CRLF2: variants seen among roughly 807,000 people sequenced by gnomAD.
CRLF2 encodes cytokine receptor-like factor 2.
A neutral mutation model predicts 38.7 loss-of-function variants in CRLF2; 41 were observed. That is an observed-to-expected ratio of 1.06 (90% CI 0.83 to 1.37). The LOEUF (loss-of-function observed/expected upper bound fraction) is 1.37. Ranked by LOEUF, CRLF2 falls within the 40% of genes most tolerant of loss-of-function variation. The probability of loss-of-function intolerance (pLI) is 0.00; values close to 1 mark genes in which losing one functional copy is unlikely to be tolerated. For missense variants in CRLF2, 377 were observed against 322.2 expected, an observed-to-expected ratio of 1.17 and a Z score of -1.30; for synonymous variants, 140 against 128.8, an observed-to-expected ratio of 1.09 and a Z score of -0.59.
At chrX:1,201,545 T>A (rs2046171329) in intron 4 of CRLF2, among the ~76,000 whole-genome samples, 4 of 7,312 alleles carry the variant, frequency 5.5e-4, no homozygotes, top group African/African-American at 9.2e-4. Flanking sequence ...GATACATAGA[T>A]GATAGAGTGA....
intron 7 of CRLF2, among the ~76,000 whole-genome samples, chrX:1,192,359 C>G (rs2086399875): frequency 6.6e-6 from 1 of 151,116 alleles, no homozygotes; most frequent in Admixed American, 6.6e-5. Flanking sequence ...CGCGGTGGCT[C>G]ACGCCTGTCA....
At chrX:1,195,873 T>C (rs1299432465) in intron 6 of CRLF2, among the ~76,000 whole-genome samples, 1 of 140,556 alleles carries the variant, frequency 7.1e-6, no homozygotes, top group Non-Finnish European at 1.5e-5. Flanking sequence ...TTAAATTAAA[T>C]ATATATTTTA....
intron 7 of CRLF2, among the ~76,000 whole-genome samples, chrX:1,191,786 C>T (rs2086385522): frequency 6.6e-6 from 1 of 151,862 alleles, no homozygotes; most frequent in East Asian, 2.0e-4. Flanking sequence ...CCGACTCGAC[C>T]TCCCAAAGTG....
At chrX:1,191,335 T>TTCTTTCTC (rs2086373708) in intron 7 of CRLF2, among the ~76,000 whole-genome samples, 175 bp from the exon 8 acceptor site, 1 of 119,688 alleles carries the variant, frequency 8.4e-6, no homozygotes, top group Non-Finnish European at 1.8e-5. Context: ...CTTTCTTTCT[T>TTCTTTCTC]TCTTTCTTTC....
intron 4 of CRLF2, chrX:1,199,295 A>T (rs1408520678): frequency 1.5e-4 from 23 of 151,450 alleles, no homozygotes; most frequent in African/African-American, 5.6e-4. Context: ...CTTTATTATT[A>T]TTTTAATATA....
rs2086365872 is a variant in CRLF2, at chrX:1,191,122, G to A, written c.891C>T (p.His297=). ...TTTCTTGCTCTGCACCTGCCATCTTGTGGAGGTGGGCCACGTTCTGGGTGT... is the reference window on the plus strand; with the variant it reads ...TTTCTTGCTCTGCACCTGCCATCTTATGGAGGTGGGCCACGTTCTGGGTGT... ...ITDTQNVAHL[H]KMAGAEQESG... Residue 297 remains histidine (H), a synonymous_variant, in exon 8 of 8, where the codon CAC becomes CAT. Transcript: ENST00000400841. The A allele has an allele frequency of 1.8e-5, 7 of 398,634 alleles. No homozygotes were observed. Among genetic ancestry groups the A allele is most frequent in the Non-Finnish European group, 2.7e-5 (6 of 226,128 alleles). The allele number at this position is 398,634 out of a possible 1,614,324, so 24.7% of individuals were successfully genotyped here.
intron 1 of CRLF2, among the ~76,000 whole-genome samples, chrX:1,209,732 G>C (rs1413720022): frequency 6.6e-6 from 1 of 152,076 alleles, no homozygotes; most frequent in Non-Finnish European, 1.5e-5. Context: ...ATCCCCTGTG[G>C]ATACCTAAGG....
At chrX:1,192,081 T>C (rs2086391904) in intron 7 of CRLF2, among the ~76,000 whole-genome samples, 1 of 148,212 alleles carries the variant, frequency 6.7e-6, no homozygotes, top group Non-Finnish European at 1.5e-5. Flanking sequence ...GGCGGGCGCC[T>C]GTAGTCCCAG....
chrX:1,211,337 G>GTGGATGGA (rs1242915258), intron 1 of CRLF2, among the ~76,000 whole-genome samples: 1 of 101,820 alleles, frequency 9.8e-6, no homozygotes, highest in South Asian at 3.3e-4. Flanking sequence ...GGATGTATTG[G>GTGGATGGA]TGGGTGGATG....
chrX:1,198,154 T>TTGAAGG (rs2086525468), intron 5 of CRLF2, among the ~76,000 whole-genome samples: 11 of 122,392 alleles, frequency 9.0e-5, no homozygotes, highest in Non-Finnish European at 8.9e-5. Flanking sequence ...CCCTCCCACC[T>TTGAAGG]CGAAGGCAGG....
intron 4 of CRLF2, among the ~76,000 whole-genome samples, chrX:1,201,268 G>GTGTGTGTGCC (rs1483965039): frequency 3.3e-4 from 45 of 137,188 alleles, no homozygotes; most frequent in African/African-American, 1.3e-3. Flanking sequence ...ACATGACTGT[G>GTGTGTGTGCC]TGTGTGTGCC....
Position 1,206,448 on chromosome X carries a change from A to T in CRLF2, c.334T>A (p.Trp112Arg). 6.2e-7 allele frequency: 1 copy of T among 1,613,652 alleles called. No homozygotes were observed. The highest frequency in any genetic ancestry group is 1.1e-5 in the South Asian group (1 of 91,062). The change falls in exon 3 of 8, where the codon TGG becomes AGG. Residue 112 changes from tryptophan (W) to arginine (R), a missense_variant. Physicochemically the swap from Trp to Arg is moderately radical, Grantham distance 101. Coordinates refer to ENST00000400841, the MANE Select transcript of CRLF2 (RefSeq NM_022148.4). ...GTHPVFTASR[W>R]MVYYLKPSSP... ...CAATACTTACGGTAATAAACCATCC[A>T]GCGACTTGCGGTGAAAACGGGGTGC...
rs147147255 is a variant in CRLF2, at chrX:1,202,374, C to A, written c.483+28G>T. ...CACCTGGGGGACGCTCAGCCACCATCGCCCTGAGTCGCGGCCGCCCGGCTC... is the reference window on the plus strand; with the variant it reads ...CACCTGGGGGACGCTCAGCCACCATAGCCCTGAGTCGCGGCCGCCCGGCTC... On this transcript the variant is annotated intron_variant, in intron 4 of 7. Transcript: ENST00000400841. The A allele has an allele frequency of 8.2e-4, 1,326 of 1,612,932 alleles. 17 individuals carry two copies. The East Asian group carries it at 0.026, about 31-fold the overall frequency.
rs2086360118 is a variant in CRLF2, at chrX:1,190,746, G to A, written c.*151C>T. 7.5e-6 allele frequency: 3 copies of A among 398,108 alleles called. No homozygotes were observed. The highest frequency in any genetic ancestry group is 1.3e-5 in the Non-Finnish European group (3 of 226,168). 24.7% of individuals were successfully genotyped at this position (398,108 alleles called of 1,614,324 possible). A position where few individuals can be genotyped will look rare whatever the true frequency, so the allele number is the denominator to read the frequency against. On this transcript the variant is annotated 3_prime_UTR_variant, in exon 8 of 8. Transcript: ENST00000400841. Reference sequence around the variant, plus strand: ...GTTAGCAGGGCAGTGGCCGCATTAGGCGGTGAGGCTGGGTCTTCAGAGTCT... The same window carrying A: ...GTTAGCAGGGCAGTGGCCGCATTAGACGGTGAGGCTGGGTCTTCAGAGTCT...
chrX:1,210,376 CG>C (rs1232238193), intron 1 of CRLF2, among the ~76,000 whole-genome samples: 1 of 152,038 alleles, frequency 6.6e-6, no homozygotes, highest in African/African-American at 2.4e-5. Context: ...TGCAGTGGTG[CG>C]ATCCCGGCTC....
In CRLF2 at chrX:1,190,946, A is replaced by C; in HGVS notation, c.1067T>G (p.Ile356Ser). The change falls in exon 8 of 8, where the codon ATC (isoleucine) becomes AGC (serine). Residue 356 changes from isoleucine to serine, a missense_variant. Physicochemically the swap from Ile to Ser is moderately radical, Grantham distance 142. Transcript: ENST00000400841. Reference protein sequence around the residue: ...QPLQGGDVVTIGGFTFVMNDR... With the variant: ...QPLQGGDVVTSGGFTFVMNDR... ...ATTCATCACAAAGGTGAAGCCCCCG[A>C]TTGTGACCACATCACCGCCTTGGAG... is the stretch of plus-strand genomic sequence containing the variant. 2.5e-6 allele frequency: 1 copy of C among 398,696 alleles called. No individual in the cohort carries two copies. The highest frequency in any genetic ancestry group is 3.6e-5 in the East Asian group (1 of 28,072). 24.7% of individuals were successfully genotyped at this position (398,696 alleles called of 1,614,324 possible).
intron 6 of CRLF2, among the ~76,000 whole-genome samples, chrX:1,193,550 G>A (rs1457670716): frequency 6.6e-6 from 1 of 151,980 alleles, no homozygotes. Flanking sequence ...GGCTGAGGCG[G>A]ATGGATCACC....
chrX:1,202,878 G>A (rs2086632831), intron 3 of CRLF2, among the ~76,000 whole-genome samples: 2 of 151,918 alleles, frequency 1.3e-5, no homozygotes, highest in Admixed American at 6.6e-5. Context: ...GAAGGCCGAG[G>A]CGGGTGGATC....
intron 3 of CRLF2, 45 bp from the exon 4 acceptor site, chrX:1,202,580 T>C (rs371601267): frequency 7.4e-6 from 12 of 1,612,684 alleles, no homozygotes; most frequent in Non-Finnish European, 1.0e-5. Flanking sequence ...CTCTCTGAGC[T>C]GATTGTGACA....
Sources: gnomAD v4.1 joint callset for allele counts (sites outside exome capture counted in the v4.1 genomes callset) on GRCh38, gnomAD v4.1.1 for gene constraint, MANE v1.5 for transcripts, NCBI Gene and HGNC (gene_info 2026-07-23, HGNC 2026-07-21) for gene names.